F13A1: variants seen among roughly 807,000 people sequenced by gnomAD.
F13A1 encodes the protein coagulation factor XIII A chain, also known as FSF, A subunit.
F13A1 carries 47 observed loss-of-function variants against 80.1 expected under a neutral mutation model. The ratio of observed to expected loss-of-function variants is 0.59; its 90% CI spans 0.46 to 0.75. The LOEUF (loss-of-function observed/expected upper bound fraction) is 0.75, where lower values mean the gene tolerates loss of function less well. Among genes scored for constraint, F13A1 ranks in the 30% least tolerant of loss-of-function variants. The pLI is 0.00. For synonymous variants in F13A1, 349 were observed against 344.9 expected, an observed-to-expected ratio of 1.01 and a Z score of -0.13; for missense variants, 817 against 930.4, an observed-to-expected ratio of 0.88 and a Z score of 1.59.
intron 10 of F13A1, among the ~76,000 whole-genome samples, chr6:6,183,705 A>G (rs1384455666): frequency 6.6e-6 from 1 of 152,234 alleles, no homozygotes; most frequent in Non-Finnish European, 1.5e-5. Context: ...AGGGTTGGCT[A>G]GAAAGTAACA....
intron 3 of F13A1, among the ~76,000 whole-genome samples, chr6:6,282,626 C>G (rs972506460): frequency 3.3e-5 from 5 of 152,124 alleles, no homozygotes; most frequent in Middle Eastern, 3.2e-3. Context: ...CGGAAATGAC[C>G]GACAGGCTTA....
intron 4 of F13A1, among the ~76,000 whole-genome samples, chr6:6,264,329 T>C (rs1757815738): frequency 6.6e-6 from 1 of 152,206 alleles, no homozygotes; most frequent in Non-Finnish European, 1.5e-5. Context: ...TCCTGAAATT[T>C]CCTAGAGTTC....
At position 6,266,730 on chromosome 6, in the gene F13A1, G is replaced by A. The variant is rs1757850417; in HGVS notation, c.399C>T (p.Ala133=). ...VSELQSGKWG[A]KIVMREDRSV... is the part of the protein sequence containing the mutation. ...ACCTGTCCTCTCTCATGACAATCTT[G>A]GCCCCCCACTTTCCACTTTGTAACT... Residue 133 remains alanine (A), a synonymous_variant, in exon 4 of 15, where the codon GCC becomes GCT. Coordinates refer to ENST00000264870, the MANE Select transcript of F13A1 (RefSeq NM_000129.4). 3.1e-6 allele frequency: 5 copies of A among 1,614,124 alleles called. No individual in the cohort carries two copies. Among genetic ancestry groups the A allele is most frequent in the Non-Finnish European group, 4.2e-6 (5 of 1,180,008 alleles).
At position 6,167,628 on chromosome 6, in the gene F13A1, G is replaced by A; in HGVS notation, c.1748-10C>T. The A allele has an allele frequency of 6.2e-7, 1 of 1,612,814 alleles. No homozygotes were observed. Among genetic ancestry groups the A allele is most frequent in the Non-Finnish European group, 8.5e-7 (1 of 1,179,922 alleles). On this transcript the variant is annotated splice_polypyrimidine_tract_variant and intron_variant, in intron 12 of 14. Coordinates refer to ENST00000264870, the MANE Select transcript of F13A1 (RefSeq NM_000129.4). The stretch of plus-strand genomic sequence containing the variant: ...ACCGCCTCTTTCTTGACTAGTAGGA[G>A]AAAACACACACAGGCCTGGCATCAA...
At chr6:6,251,285 TTAAAA>T (rs1456428603) in intron 4 of F13A1, among the ~76,000 whole-genome samples, 1 of 152,242 alleles carries the variant, frequency 6.6e-6, no homozygotes, top group Non-Finnish European at 1.5e-5. Flanking sequence ...CTAACACTAA[TTAAAA>T]TATAATTTCC....
At chr6:6,206,595 A>T (rs200295511) in intron 8 of F13A1, 14 of 509,492 alleles carry the variant, frequency 2.7e-5, no homozygotes, top group Admixed American at 8.3e-5. Flanking sequence ...GCAGGAATGG[A>T]TGGGTACCTG....
At chr6:6,206,126 G>T (rs1761484758) in intron 8 of F13A1, among the ~76,000 whole-genome samples, 1 of 152,094 alleles carries the variant, frequency 6.6e-6, no homozygotes, top group South Asian at 2.1e-4. Flanking sequence ...AGGGTTAAAA[G>T]AATTCCAACC....
intron 12 of F13A1, 69 bp downstream of exon 12, chr6:6,174,511 G>A (rs1760840980): frequency 5.3e-6 from 8 of 1,521,396 alleles, no homozygotes; most frequent in South Asian, 1.1e-5. Context: ...GCTATAACGG[G>A]CATTAACACC....
At chr6:6,230,846 A>C (rs564637803) in intron 6 of F13A1, among the ~76,000 whole-genome samples, 1 of 152,186 alleles carries the variant, frequency 6.6e-6, no homozygotes, top group Non-Finnish European at 1.5e-5. Context: ...AGAGACAATC[A>C]CTGCAATTTG....
At chr6:6,295,982 G>T (rs1408471958) in intron 3 of F13A1, among the ~76,000 whole-genome samples, 2 of 141,642 alleles carry the variant, frequency 1.4e-5, no homozygotes, top group Non-Finnish European at 3.0e-5. Context: ...AGTTTTCCCA[G>T]CACCATTTAT....
At chr6:6,295,571 C>T (rs879566085) in intron 3 of F13A1, among the ~76,000 whole-genome samples, 2,987 of 144,796 alleles carry the variant, frequency 0.021, 58 homozygotes, top group Non-Finnish European at 0.026. Flanking sequence ...TCATATCCTT[C>T]GCCCACTTTT....
At chr6:6,214,408 A>T (rs1220851818) in intron 8 of F13A1, among the ~76,000 whole-genome samples, 1 of 145,874 alleles carries the variant, frequency 6.9e-6, no homozygotes, top group Non-Finnish European at 1.5e-5. Context: ...TGGAAACTGA[A>T]CAACCTGCTC....
intron 7 of F13A1, among the ~76,000 whole-genome samples, chr6:6,223,676 C>G (rs1429575235): frequency 5.9e-5 from 9 of 151,960 alleles, no homozygotes; most frequent in Non-Finnish European, 1.3e-4. Flanking sequence ...CAAAACAAAA[C>G]TCATGACTTT....
rs574232494 is a variant in F13A1, at chr6:6,162,406, C to T, written c.1908+5052G>A. On this transcript the variant is annotated intron_variant, in intron 13 of 14. Coordinates refer to ENST00000264870, the MANE Select transcript of F13A1 (RefSeq NM_000129.4). This position sits in a 1 kb window ranked among gnomAD's most constrained non-coding sequence, Gnocchi z 4.2. Reference sequence around the variant, plus strand: ...TTGAACGTTATCTGTTCATTGGAGACCATTCATCTTTCTACAGTCTTAATT... The same window carrying T: ...TTGAACGTTATCTGTTCATTGGAGATCATTCATCTTTCTACAGTCTTAATT... Among the ~76,000 whole-genome samples the T allele has an allele frequency of 2.0e-5, 3 of 152,330 alleles. No individual in the cohort carries two copies. In the South Asian group the frequency reaches 6.2e-4, roughly 32 times the overall value.
At chr6:6,240,978 T>C (rs1757476733) in intron 6 of F13A1, among the ~76,000 whole-genome samples, 1 of 152,192 alleles carries the variant, frequency 6.6e-6, no homozygotes, top group Non-Finnish European at 1.5e-5. Flanking sequence ...GTAACACTCT[T>C]CATTAATATA....
In F13A1 at chr6:6,225,660, C is replaced by T. The variant is rs532482763; in HGVS notation, c.799-800G>A. On this transcript the variant is annotated intron_variant, in intron 6 of 14. Coordinates refer to ENST00000264870, the MANE Select transcript of F13A1 (RefSeq NM_000129.4). ...GTAGCTAGGACTACAGGTGTATGCTCGGCTAATTAAATTTATTTTTTTTGT... is the reference window on the plus strand; with the variant it reads ...GTAGCTAGGACTACAGGTGTATGCTTGGCTAATTAAATTTATTTTTTTTGT... Among the ~76,000 whole-genome samples the T allele has an allele frequency of 1.5e-4, 23 of 151,942 alleles. 1 individual carries two copies. The highest frequency in any genetic ancestry group is 1.9e-4 in the African/African-American group (8 of 41,442).
intron 4 of F13A1, among the ~76,000 whole-genome samples, chr6:6,265,977 C>T (rs1194606389): frequency 6.6e-6 from 1 of 152,168 alleles, no homozygotes; most frequent in Non-Finnish European, 1.5e-5. Context: ...TTTGCAATTA[C>T]TTTTAATTAC....
chr6:6,238,183 CAA>C (rs1216259635), intron 6 of F13A1, among the ~76,000 whole-genome samples: 1 of 152,148 alleles, frequency 6.6e-6, no homozygotes, highest in Admixed American at 6.5e-5. Flanking sequence ...TGATTTCTGA[CAA>C]AGTCACCAAA....
chr6:6,256,600 G>A (rs7766109), intron 4 of F13A1, among the ~76,000 whole-genome samples: 94,588 of 151,994 alleles, frequency 0.62, 30,622 homozygotes, highest in African/African-American at 0.81. Context: ...TGGTGGGAAT[G>A]GAAGGGTAGT....
Sources: gnomAD v4.1 joint callset for allele counts (sites outside exome capture counted in the v4.1 genomes callset) on GRCh38, gnomAD v4.1.1 for gene constraint, Gnocchi (gnomAD v3.1) non-coding constraint, MANE v1.5 for transcripts, NCBI Gene and HGNC (gene_info 2026-07-23, HGNC 2026-07-21) for gene names.